Variants in CCDC126 observed in about 807,000 individuals in gnomAD.
CCDC126 encodes coiled-coil domain-containing protein 126.
CCDC126 carries 5 observed loss-of-function variants against 11.7 expected under a neutral mutation model. The observed-to-expected ratio is 0.43, with a 90% CI of 0.22 to 0.90. CCDC126 has a LOEUF of 0.90. Ranked by LOEUF, CCDC126 falls within the 40% of genes least tolerant of loss-of-function variation. CCDC126 has a pLI of 0.27. For missense variants in CCDC126, 150 were observed against 163.1 expected (o/e 0.92, Z 0.44); for synonymous variants, 60 against 61.9 (o/e 0.97, Z 0.14).
At chr7:23,626,596 A>G (rs1430143517) in intron 3 of CCDC126, among the ~76,000 whole-genome samples, 10 of 152,104 alleles carry the variant, frequency 6.6e-5, no homozygotes, top group Non-Finnish European at 1.5e-5. Context: ...ACATATTATT[A>G]TATCATCCAG....
rs201203827 is a variant in CCDC126 at position 23,642,981 on chromosome 7, T to C, written c.289T>C (p.Leu97=). The C allele has an allele frequency of 8.7e-6, 14 of 1,614,162 alleles. No individual in the cohort carries two copies. Among genetic ancestry groups the C allele is most frequent in the Middle Eastern group, 1.6e-4 (1 of 6,062 alleles). Residue 97 remains leucine (L), a synonymous_variant, in exon 4 of 4, where the codon TTG becomes CTG. Transcript: ENST00000307471. ...AVLLDDILQR[L]VKLENKVDYI... ...CCTTCTGGATGACATTTTGCAACGA[T>C]TGGTGAAGCTGGAGAACAAAGTTGA...
chr7:23,613,925 T>C (rs1195003448), intron 3 of CCDC126, among the ~76,000 whole-genome samples: 1 of 152,252 alleles, frequency 6.6e-6, no homozygotes, highest in Non-Finnish European at 1.5e-5. Context: ...TTGAAAATAC[T>C]TTATTGCTAA....
intron 2 of CCDC126, among the ~76,000 whole-genome samples, chr7:23,608,761 A>G (rs1782659616): frequency 6.6e-6 from 1 of 152,186 alleles, no homozygotes; most frequent in Non-Finnish European, 1.5e-5. Context: ...ATTTATCAAG[A>G]TGGGAATTGC....
In CCDC126 at chr7:23,611,104, T is replaced by G. The variant is rs1479684051; in HGVS notation, c.-145-67T>G. On this transcript the variant is annotated intron_variant, in intron 2 of 3. Transcript: ENST00000307471. Reference sequence around the variant, plus strand: ...AAATAAAAATTATAGAATATTTTCTTTATAGTCGTCTGTTCTGTTACTGAT... The same window carrying G: ...AAATAAAAATTATAGAATATTTTCTGTATAGTCGTCTGTTCTGTTACTGAT... 4 of 377,354 alleles carry G rather than the reference T, an allele frequency of 1.1e-5. No individual in the cohort carries two copies. The East Asian group carries it at 1.3e-4, about 12-fold the overall frequency. 23.4% of individuals were successfully genotyped at this position (377,354 alleles called of 1,614,324 possible).
chr7:23,611,679 A>G, intron 3 of CCDC126, 126 bp downstream of exon 3: 1 of 670,596 alleles, frequency 1.5e-6, no homozygotes, highest in Non-Finnish European at 2.6e-6. Context: ...TTTATTATGA[A>G]AATTTCAAAT....
intron 3 of CCDC126, among the ~76,000 whole-genome samples, chr7:23,632,653 T>A (rs1328840383): frequency 2.0e-5 from 3 of 152,238 alleles, no homozygotes; most frequent in African/African-American, 7.2e-5. Context: ...ATTGGAATTT[T>A]TGTATTTATT....
At chr7:23,598,340 C>G (rs1782466448) in intron 2 of CCDC126, 1 of 152,224 alleles carries the variant, frequency 6.6e-6, no homozygotes, top group South Asian at 2.1e-4. Context: ...GGCCTCTGGA[C>G]TTGAGTTTTG....
chr7:23,643,357 G>A lies in CCDC126; in HGVS notation c.*242G>A, dbSNP rs537431886. On this transcript the variant is annotated 3_prime_UTR_variant, in exon 4 of 4. Transcript: ENST00000307471. ...GTCCTTAAAGAGAATTTGGTAATTT[G>A]GTTGATGTGGTAAGCAGATAGGTGA... 197 of 354,648 alleles carry A rather than the reference G, an allele frequency of 5.6e-4. 1 individual carries two copies. In the South Asian group the frequency reaches 9.6e-3, roughly 17 times the overall value. The allele number at this position is 354,648 out of a possible 1,614,324, so 22.0% of individuals were successfully genotyped here. A position where few individuals can be genotyped will look rare whatever the true frequency, so the allele number is the denominator to read the frequency against.
intron 2 of CCDC126, among the ~76,000 whole-genome samples, chr7:23,606,022 T>C (rs1253968864): frequency 6.6e-6 from 1 of 151,974 alleles, no homozygotes; most frequent in Non-Finnish European, 1.5e-5. Flanking sequence ...ACTATCCTAA[T>C]GGGTATGAAG....
intron 3 of CCDC126, among the ~76,000 whole-genome samples, chr7:23,626,065 T>A (rs1405683345): frequency 2.6e-5 from 4 of 151,738 alleles, no homozygotes; most frequent in African/African-American, 9.7e-5. Context: ...TTTTATGTAG[T>A]AAAATACATT....
At chr7:23,618,228 A>G (rs781425108) in intron 3 of CCDC126, among the ~76,000 whole-genome samples, 1 of 152,224 alleles carries the variant, frequency 6.6e-6, no homozygotes, top group Non-Finnish European at 1.5e-5. Context: ...TTATGTAGGC[A>G]TGATTGAATC....
At chr7:23,607,150 A>G (rs1223661728) in intron 2 of CCDC126, among the ~76,000 whole-genome samples, 1 of 152,190 alleles carries the variant, frequency 6.6e-6, no homozygotes, top group Non-Finnish European at 1.5e-5. Flanking sequence ...GGTGAATTTC[A>G]AGTTTTGTGT....
At chr7:23,638,326 T>C (rs1185193350) in intron 3 of CCDC126, among the ~76,000 whole-genome samples, 1 of 138,862 alleles carries the variant, frequency 7.2e-6, no homozygotes, top group East Asian at 2.1e-4. Context: ...CGGGTCTGTG[T>C]GGATAGAAGT....
intron 3 of CCDC126, among the ~76,000 whole-genome samples, chr7:23,620,044 G>A (rs1249671958): frequency 1.3e-5 from 2 of 152,026 alleles, no homozygotes; most frequent in African/African-American, 4.8e-5. Context: ...ATAAACATAC[G>A]TGTGCGTGTG....
At chr7:23,619,445 A>G in intron 3 of CCDC126, 2 of 414,218 alleles carry the variant, frequency 4.8e-6, no homozygotes, top group South Asian at 2.0e-5. Flanking sequence ...AAAGAAGAAA[A>G]GGATCCCAGC....
chr7:23,618,987 A>G (rs1332128198), intron 3 of CCDC126, among the ~76,000 whole-genome samples: 1 of 152,140 alleles, frequency 6.6e-6, no homozygotes, highest in Non-Finnish European at 1.5e-5. Flanking sequence ...GCTGGAGAGT[A>G]TAGGCCTGTA....
At chr7:23,641,978 T>C (rs1562501351) in intron 3 of CCDC126, among the ~76,000 whole-genome samples, 2 of 152,210 alleles carry the variant, frequency 1.3e-5, no homozygotes, top group Non-Finnish European at 2.9e-5. Context: ...CTTTCTTAGC[T>C]AGCTTTTTAG....
At chr7:23,625,605 G>A (rs1000722904) in intron 3 of CCDC126, among the ~76,000 whole-genome samples, 3 of 150,306 alleles carry the variant, frequency 2.0e-5, no homozygotes, top group Non-Finnish European at 4.4e-5. Context: ...TTTGAGTCAC[G>A]ACAATTTTTC....
At chr7:23,612,674 T>A (rs1554270548) in intron 3 of CCDC126, among the ~76,000 whole-genome samples, 8 of 151,898 alleles carry the variant, frequency 5.3e-5, no homozygotes, top group Non-Finnish European at 1.5e-5. Flanking sequence ...CCTCATCTCT[T>A]AAGAAAAGTC....
Sources: allele counts gnomAD v4.1 joint callset (sites outside exome capture counted in the v4.1 genomes callset), GRCh38; gene constraint gnomAD v4.1.1; transcripts MANE v1.5; gene names NCBI Gene and HGNC (gene_info 2026-07-23, HGNC 2026-07-21).